COL4A6: variants seen among roughly 807,000 people sequenced by gnomAD.
The protein encoded by COL4A6 is collagen alpha-6(IV) chain.
COL4A6 carries 59 observed loss-of-function variants against 126.7 expected under a neutral mutation model. The ratio of observed to expected loss-of-function variants is 0.47; its 90% CI spans 0.38 to 0.58. The LOEUF (loss-of-function observed/expected upper bound fraction) is 0.58. COL4A6 is among the 20% of genes least tolerant of loss of function. The pLI, the probability that COL4A6 is intolerant of heterozygous loss-of-function variation, is 0.00. For missense variants in COL4A6, 1,285 were observed against 1,337.3 expected, an observed-to-expected ratio of 0.96 and a Z score of 0.61; for synonymous variants, 547 against 496.6, an observed-to-expected ratio of 1.10 and a Z score of -1.35.
At chrX:108,175,464 G>A (rs1245447795) in intron 29 of COL4A6, among the ~76,000 whole-genome samples, 190 bp downstream of exon 29, 1 of 111,660 alleles carries the variant, frequency 9.0e-6, no homozygotes, top group Non-Finnish European at 1.9e-5. Flanking sequence ...GGGCACACAT[G>A]GCCTTTAACA....
chrX:108,249,975 C>G (rs1369183120), intron 3 of COL4A6, among the ~76,000 whole-genome samples: 2 of 111,534 alleles, frequency 1.8e-5, no homozygotes, highest in Non-Finnish European at 3.8e-5. Flanking sequence ...GCTTGAAATA[C>G]TTCAAAATCC....
chrX:108,213,934 C>G, intron 6 of COL4A6, 178 bp downstream of exon 6: 1 of 443,686 alleles, frequency 2.3e-6, no homozygotes, highest in Non-Finnish European at 3.9e-6. Context: ...CCCACTGCAA[C>G]TGGTATTCTT....
intron 2 of COL4A6, among the ~76,000 whole-genome samples, chrX:108,402,118 A>G (rs920009492): frequency 9.0e-6 from 1 of 110,664 alleles, no homozygotes; most frequent in East Asian, 2.8e-4. Context: ...AGTTATACTG[A>G]TCTCATGGAA....
chrX:108,206,848 A>G, intron 8 of COL4A6: 1 of 425,348 alleles, frequency 2.4e-6, no homozygotes, highest in Non-Finnish European at 4.3e-6. Context: ...GTTAAGTGAA[A>G]AGCCAGACCC....
intron 2 of COL4A6, among the ~76,000 whole-genome samples, chrX:108,376,847 T>A (rs952979342): frequency 5.3e-5 from 6 of 112,773 alleles, no homozygotes; most frequent in Non-Finnish European, 9.4e-5. Context: ...AATATGTGTA[T>A]ATTTAACTCT....
At chrX:108,288,079 T>C (rs1765367727) in intron 3 of COL4A6, among the ~76,000 whole-genome samples, 2 of 112,517 alleles carry the variant, frequency 1.8e-5, no homozygotes, top group Admixed American at 9.4e-5. Flanking sequence ...TGGGAACTTT[T>C]ATATCAGAGA....
rs2033710970 is a variant in COL4A6 at position 108,155,649 on chromosome X, A to T, written c.*1351T>A. On this transcript the variant is annotated 3_prime_UTR_variant, in exon 45 of 45. Transcript: ENST00000334504. ...ATTTATTTTATTTGCTATGTACAAAACTGACACCATGCTTATTACTCAGGA... is the reference window on the plus strand; with the variant it reads ...ATTTATTTTATTTGCTATGTACAAATCTGACACCATGCTTATTACTCAGGA... 8.9e-6 allele frequency: 1 copy of T among 112,168 alleles called. No homozygotes were observed. 9.2% of individuals were successfully genotyped at this position (112,168 alleles called of 1,213,427 possible).
chrX:108,422,992 A>G (rs903372139), intron 2 of COL4A6, among the ~76,000 whole-genome samples: 8 of 112,132 alleles, frequency 7.1e-5, no homozygotes, highest in Non-Finnish European at 1.3e-4. Context: ...TACTGTTGGA[A>G]GAGTCTCATC....
intron 3 of COL4A6, among the ~76,000 whole-genome samples, chrX:108,279,851 G>T (rs766444185): frequency 9.0e-6 from 1 of 111,436 alleles, no homozygotes; most frequent in Non-Finnish European, 1.9e-5. Context: ...AATCAAAACC[G>T]CACAACTACA....
At chrX:108,406,493 TG>T (rs1162408457) in intron 2 of COL4A6, among the ~76,000 whole-genome samples, 12 of 112,220 alleles carry the variant, frequency 1.1e-4, no homozygotes, top group Admixed American at 9.4e-4. Context: ...CTCCTTGATC[TG>T]GTACCTGCCT....
At chrX:108,304,194 T>C (rs1011625258) in intron 3 of COL4A6, among the ~76,000 whole-genome samples, 4 of 112,083 alleles carry the variant, frequency 3.6e-5, no homozygotes, top group African/African-American at 9.7e-5. Flanking sequence ...TCCAGCTCCT[T>C]GGCTCTTCTC....
rs753828134 is a variant in COL4A6, at chrX:108,177,781, A to G, written c.2516-770T>C. Among the ~76,000 whole-genome samples the G allele has an allele frequency of 4.0e-3, 451 of 111,839 alleles. 11 individuals carry two copies. Among genetic ancestry groups the G allele is most frequent in the Non-Finnish European group, 2.5e-3 (134 of 53,125 alleles). On this transcript the variant is annotated intron_variant, in intron 27 of 44. Coordinates refer to ENST00000334504, the MANE Select transcript of COL4A6 (RefSeq NM_033641.4). ...GAATGGCTGACTTGGCTTTCTATGG[A>G]TTGAAAAGCATCAAGTAGCTGCAAG...
At position 108,308,307 on chromosome X, in the gene COL4A6, C is replaced by T. The variant is rs757216145; in HGVS notation, c.144+2441G>A. Among the ~76,000 whole-genome samples, 92 of 111,611 alleles carry T rather than the reference C, an allele frequency of 8.2e-4. 1 individual carries two copies. Among genetic ancestry groups the T allele is most frequent in the African/African-American group, 2.9e-3 (90 of 30,656 alleles). On this transcript the variant is annotated intron_variant, in intron 3 of 44. Coordinates refer to ENST00000334504, the MANE Select transcript of COL4A6 (RefSeq NM_033641.4). ...GCATGTTTGCCTGGTGTAGGACTGA[C>T]CTCCGATCAGATATATAAGATTTTC...
chrX:108,373,566 T>G (rs2040372200), intron 2 of COL4A6, among the ~76,000 whole-genome samples: 1 of 111,245 alleles, frequency 9.0e-6, no homozygotes, highest in African/African-American at 3.3e-5. Context: ...CAATACTATT[T>G]TCCCTCCAGT....
intron 3 of COL4A6, among the ~76,000 whole-genome samples, chrX:108,254,211 T>C (rs1248649940): frequency 9.4e-6 from 1 of 106,803 alleles, no homozygotes; most frequent in Admixed American, 1.0e-4. Flanking sequence ...TGGAGGCTGC[T>C]TTTTTTTTTC....
At chrX:108,417,060 CAT>C (rs1027654011) in intron 2 of COL4A6, among the ~76,000 whole-genome samples, 115 of 112,217 alleles carry the variant, frequency 1.0e-3, no homozygotes, top group African/African-American at 3.6e-3. Context: ...AATGAGATCA[CAT>C]GTGTAAAAGA....
At chrX:108,303,157 G>T (rs1055559908) in intron 3 of COL4A6, among the ~76,000 whole-genome samples, 3 of 110,765 alleles carry the variant, frequency 2.7e-5, no homozygotes, top group Non-Finnish European at 5.7e-5. Context: ...ATAGAAACTG[G>T]AGTCAAAGAT....
chrX:108,416,673 C>T (rs900889853), intron 2 of COL4A6, among the ~76,000 whole-genome samples: 1 of 111,830 alleles, frequency 8.9e-6, no homozygotes, highest in Non-Finnish European at 1.9e-5. Context: ...TAATGAATAA[C>T]CACATACTAA....
chrX:108,249,116 A>G (rs1378534842), intron 3 of COL4A6, among the ~76,000 whole-genome samples: 1 of 110,699 alleles, frequency 9.0e-6, no homozygotes, highest in Non-Finnish European at 1.9e-5. Flanking sequence ...TAATAGAAAT[A>G]AAGCACACAA....
Sources: allele counts gnomAD v4.1 joint callset (sites outside exome capture counted in the v4.1 genomes callset), GRCh38; gene constraint gnomAD v4.1.1; transcripts MANE v1.5; gene names NCBI Gene and HGNC (gene_info 2026-07-23, HGNC 2026-07-21).